Variants in AFTPH observed in about 807,000 individuals in gnomAD.
The protein encoded by AFTPH is aftiphilin protein.
Under a neutral mutation model 72.5 loss-of-function variants are expected in AFTPH, and 7 were observed. That is an observed-to-expected ratio of 0.10 (90% confidence interval 0.05 to 0.18). The LOEUF (loss-of-function observed/expected upper bound fraction) is 0.18. AFTPH is among the 10% of genes least tolerant of loss of function. AFTPH has a pLI of 1.00. For missense variants in AFTPH, 979 were observed against 1,060.5 expected, an observed-to-expected ratio of 0.92 and a Z score of 1.07; for synonymous variants, 337 against 370.1, an observed-to-expected ratio of 0.91 and a Z score of 1.03.
chr2:64,553,436 A>G, intron 2 of AFTPH, 27 bp downstream of exon 2: 1 of 1,529,554 alleles, frequency 6.5e-7, no homozygotes. Context: ...TCTATTTTGT[A>G]TGATGTATTA....
At chr2:64,543,629 A>G (rs757213877) in intron 1 of AFTPH, among the ~76,000 whole-genome samples, 23 of 152,232 alleles carry the variant, frequency 1.5e-4, no homozygotes, top group African/African-American at 3.9e-4. Flanking sequence ...TGAAGAGTCT[A>G]TCCTTTCCCC....
intron 1 of AFTPH, among the ~76,000 whole-genome samples, chr2:64,542,486 C>T (rs757572371): frequency 4.6e-5 from 7 of 152,196 alleles, no homozygotes; most frequent in Admixed American, 2.0e-4. Context: ...TGAGAACTTC[C>T]GGGTTGCATT....
rs1344312327 is a variant in AFTPH, at chr2:64,549,508, G to T, written c.-32-1935G>T. Among the ~76,000 whole-genome samples the T allele has an allele frequency of 2.0e-5, 3 of 149,378 alleles. No homozygotes were observed. The South Asian group carries it at 6.3e-4, about 31-fold the overall frequency. ...GCTAATTTTTTTATTTTTAGTAGAG[G>T]TGGGGTTTCACCGTGTTGGCCAGGC... On this transcript the variant is annotated intron_variant, in intron 1 of 8. Coordinates refer to ENST00000238856, the Ensembl canonical transcript of AFTPH.
At chr2:64,565,366 T>G (rs1381991098) in intron 2 of AFTPH, among the ~76,000 whole-genome samples, 2 of 148,564 alleles carry the variant, frequency 1.3e-5, no homozygotes, top group Non-Finnish European at 3.0e-5. Context: ...TCCCAGCTAC[T>G]CGGGAGGCTG....
chr2:64,531,818 TAGA>T (rs1669646196), intron 1 of AFTPH, among the ~76,000 whole-genome samples: 1 of 152,340 alleles, frequency 6.6e-6, no homozygotes, highest in East Asian at 1.9e-4. Flanking sequence ...ATGTGGCTAC[TAGA>T]AGATTTTTAA....
intron 2 of AFTPH, among the ~76,000 whole-genome samples, chr2:64,559,277 G>T (rs77510215): frequency 0.016 from 2,399 of 152,248 alleles, 56 homozygotes; most frequent in East Asian, 0.063. Flanking sequence ...TATGTGTGGA[G>T]GTTAGGGAGG....
intron 2 of AFTPH, among the ~76,000 whole-genome samples, chr2:64,565,115 AGGCGTGAGACACTGCACCT>A (rs979412668): frequency 6.6e-6 from 1 of 152,082 alleles, no homozygotes; most frequent in Non-Finnish European, 1.5e-5. Context: ...CTGGGATTAC[AGGCGTGAGACACTGCACCT>A]GGCTGGAAAT....
chr2:64,550,728 C>A (rs889214069), intron 1 of AFTPH, among the ~76,000 whole-genome samples: 5 of 141,994 alleles, frequency 3.5e-5, no homozygotes, highest in Middle Eastern at 3.7e-3. Context: ...CACACACACA[C>A]ACAACTGGTG....
At chr2:64,540,464 C>G (rs1670173168) in intron 1 of AFTPH, among the ~76,000 whole-genome samples, 1 of 152,082 alleles carries the variant, frequency 6.6e-6, no homozygotes, top group African/African-American at 2.4e-5. Context: ...TTACATGAAA[C>G]TATCCAAATG....
At chr2:64,558,083 A>C (rs1054170052) in intron 2 of AFTPH, among the ~76,000 whole-genome samples, 7 of 152,184 alleles carry the variant, frequency 4.6e-5, no homozygotes, top group Admixed American at 4.6e-4. Flanking sequence ...TATCCTCTTA[A>C]ATGGAAGATT....
exon 2 of AFTPH, chr2:64,553,217 T>C: frequency 6.2e-7 from 1 of 1,614,134 alleles, no homozygotes; most frequent in Non-Finnish European, 8.5e-7. Context: ...AACAAAAAGA[T>C]AGTTGTTCTT....
intron 2 of AFTPH, among the ~76,000 whole-genome samples, chr2:64,554,337 C>T (rs540287968): frequency 9.8e-5 from 15 of 152,290 alleles, no homozygotes; most frequent in African/African-American, 3.6e-4. Context: ...CTTTTTTCAA[C>T]TCCAGGGGTG....
At chr2:64,591,729 A>C (rs1673837064) in intron 8 of AFTPH, among the ~76,000 whole-genome samples, 159 bp from the exon 10 acceptor site, 1 of 152,194 alleles carries the variant, frequency 6.6e-6, no homozygotes, top group Non-Finnish European at 1.5e-5. Flanking sequence ...CACAGGAAGC[A>C]TACTGCACAA....
intron 7 of AFTPH, among the ~76,000 whole-genome samples, chr2:64,584,627 T>G (rs544813622): frequency 6.7e-6 from 1 of 149,864 alleles, no homozygotes; most frequent in Non-Finnish European, 1.5e-5. Context: ...GACGCAGTCT[T>G]GTTCTGTCAC....
chr2:64,526,990 A>G (rs1343952766), intron 1 of AFTPH, among the ~76,000 whole-genome samples: 1 of 152,224 alleles, frequency 6.6e-6, no homozygotes, highest in Non-Finnish European at 1.5e-5. Flanking sequence ...ATATAGTCTC[A>G]TGCAAAACTA....
At chr2:64,566,342 A>G (rs1017779029) in intron 2 of AFTPH, among the ~76,000 whole-genome samples, 2 of 152,192 alleles carry the variant, frequency 1.3e-5, no homozygotes, top group Non-Finnish European at 1.5e-5. Context: ...GAGTACCCTA[A>G]GACTAATTAT....
At chr2:64,575,656 A>G (rs1317516395) in intron 6 of AFTPH, among the ~76,000 whole-genome samples, 2 of 152,004 alleles carry the variant, frequency 1.3e-5, no homozygotes, top group Non-Finnish European at 2.9e-5. Context: ...TACATTTTCT[A>G]AAGAGTCTCT....
chr2:64,551,596 G>C, exon 2 of AFTPH: 1 of 1,614,054 alleles, frequency 6.2e-7, no homozygotes, highest in Non-Finnish European at 8.5e-7. Flanking sequence ...AGCCCTTCTG[G>C]TGTAGGGTTT....
intron 5 of AFTPH, among the ~76,000 whole-genome samples, chr2:64,572,205 A>G (rs1672476947): frequency 6.8e-6 from 1 of 146,918 alleles, no homozygotes; most frequent in South Asian, 2.2e-4. Context: ...GGGCAACAGG[A>G]GCAAAACTCT....
Sources: allele counts gnomAD v4.1 joint callset (sites outside exome capture counted in the v4.1 genomes callset), GRCh38; gene constraint gnomAD v4.1.1; transcripts MANE v1.5; gene names NCBI Gene and HGNC (gene_info 2026-07-23, HGNC 2026-07-21).